Variants in NKAIN2 observed in about 807,000 individuals in gnomAD.
NKAIN2 encodes the protein sodium/potassium-transporting ATPase subunit beta-1-interacting protein 2.
In NKAIN2, 14 loss-of-function variants were observed where a neutral mutation model predicts 32.6. The ratio of observed to expected loss-of-function variants is 0.43; its 90% CI spans 0.28 to 0.67. The LOEUF (loss-of-function observed/expected upper bound fraction) is 0.67. NKAIN2 is among the 30% of genes least tolerant of loss of function. The pLI is 0.17. For missense variants in NKAIN2, 198 were observed against 258.3 expected, an observed-to-expected ratio of 0.77 and a Z score of 1.60; for synonymous variants, 80 against 87.2, an observed-to-expected ratio of 0.92 and a Z score of 0.46.
chr6:124,081,757 T>TA (rs1278748833), intron 1 of NKAIN2, among the ~76,000 whole-genome samples: 1 of 152,104 alleles, frequency 6.6e-6, no homozygotes, highest in Non-Finnish European at 1.5e-5. Context: ...ACCATAGACT[T>TA]ATTAGTGCCA....
chr6:124,552,826 T>C (rs79941461), intron 3 of NKAIN2, among the ~76,000 whole-genome samples: 1,878 of 152,302 alleles, frequency 0.012, 38 homozygotes, highest in African/African-American at 0.042. Context: ...TAAGGATAAT[T>C]GGTCTCCAAA....
intron 4 of NKAIN2, among the ~76,000 whole-genome samples, chr6:124,752,004 A>G (rs1777745949): frequency 6.6e-6 from 1 of 151,900 alleles, no homozygotes; most frequent in African/African-American, 2.4e-5. Context: ...AACCAAACAA[A>G]AACCCAGAGA....
chr6:124,541,187 T>G (rs549140452), intron 3 of NKAIN2, among the ~76,000 whole-genome samples: 1 of 152,268 alleles, frequency 6.6e-6, no homozygotes, highest in Non-Finnish European at 1.5e-5. Flanking sequence ...CTGTTATTAT[T>G]GATCATTTAA....
chr6:124,408,498 G>C (rs972471997), intron 3 of NKAIN2, among the ~76,000 whole-genome samples: 13 of 152,180 alleles, frequency 8.5e-5, no homozygotes, highest in Non-Finnish European at 1.8e-4. Context: ...TCAAAGATCA[G>C]ATAGTTGTAG....
rs11759878 is a variant in NKAIN2 at position 123,857,245 on chromosome 6, A to C, written c.54+52991A>C. Among the ~76,000 whole-genome samples the C allele has an allele frequency of 3.2e-3, 465 of 145,966 alleles. 2 individuals carry two copies. The highest frequency in any genetic ancestry group is 5.5e-3 in the Non-Finnish European group (369 of 66,566). On this transcript the variant is annotated intron_variant, in intron 1 of 6. Transcript: ENST00000368417. ...TACCAGCAGGACCTCATCATTTAAA[A>C]CAAGCCTGTGATTTAGATTTTTTTT...
chr6:124,322,262 T>C (rs1309407496), intron 2 of NKAIN2, among the ~76,000 whole-genome samples: 1 of 152,188 alleles, frequency 6.6e-6, no homozygotes, highest in Non-Finnish European at 1.5e-5. Flanking sequence ...TTAGTAAGTA[T>C]CAATGACTGG....
At chr6:123,832,285 A>G (rs4897544) in intron 1 of NKAIN2, among the ~76,000 whole-genome samples, 151,733 of 152,310 alleles carry the variant, frequency 1, 75,584 homozygotes, top group East Asian at 1. Flanking sequence ...AAGTTCCTTC[A>G]TGTCTTTTCA....
intron 3 of NKAIN2, among the ~76,000 whole-genome samples, chr6:124,557,370 T>C (rs1053502338): frequency 1.3e-5 from 2 of 152,204 alleles, no homozygotes; most frequent in African/African-American, 4.8e-5. Flanking sequence ...TTGAGTTACA[T>C]GTTGCTTTAT....
chr6:123,979,997 A>G (rs983501211), intron 1 of NKAIN2, among the ~76,000 whole-genome samples: 1 of 152,184 alleles, frequency 6.6e-6, no homozygotes, highest in South Asian at 2.1e-4. Flanking sequence ...GATGATTATG[A>G]TATTAGACAG....
chr6:124,097,421 G>A (rs924372449), intron 1 of NKAIN2, among the ~76,000 whole-genome samples: 136 of 140,454 alleles, frequency 9.7e-4, no homozygotes, highest in Middle Eastern at 3.7e-3. Flanking sequence ...AAAAAAAAAA[G>A]TAATTAACTT....
chr6:124,656,064 G>A (rs984071478), intron 3 of NKAIN2, among the ~76,000 whole-genome samples: 1 of 152,006 alleles, frequency 6.6e-6, no homozygotes, highest in African/African-American at 2.4e-5. Flanking sequence ...CTTAGGCCCT[G>A]GGGATTTATC....
intron 4 of NKAIN2, among the ~76,000 whole-genome samples, chr6:124,751,368 T>C (rs547632774): frequency 6.6e-6 from 1 of 151,996 alleles, no homozygotes; most frequent in South Asian, 2.1e-4. Context: ...AAGTAAATGC[T>C]TAAAGAAAAG....
chr6:123,992,523 G>A (rs1779454072), intron 1 of NKAIN2, among the ~76,000 whole-genome samples: 1 of 152,142 alleles, frequency 6.6e-6, no homozygotes, highest in Non-Finnish European at 1.5e-5. Flanking sequence ...GAAGGCGAAG[G>A]TAAAGTAACA....
intron 3 of NKAIN2, among the ~76,000 whole-genome samples, chr6:124,370,748 A>G (rs1045561126): frequency 1.6e-4 from 25 of 152,114 alleles, no homozygotes; most frequent in Non-Finnish European, 3.5e-4. Context: ...TGGTGCCCTC[A>G]ATTAGTCCTT....
At chr6:124,600,471 C>G (rs2114979420) in intron 3 of NKAIN2, among the ~76,000 whole-genome samples, 1 of 152,138 alleles carries the variant, frequency 6.6e-6, no homozygotes, top group African/African-American at 2.4e-5. Flanking sequence ...GCCCAGAACC[C>G]TACTAAAAAT....
intron 1 of NKAIN2, among the ~76,000 whole-genome samples, chr6:123,949,012 G>A (rs1777206674): frequency 6.6e-6 from 1 of 151,876 alleles, no homozygotes; most frequent in African/African-American, 2.4e-5. Context: ...ATTTATTGAA[G>A]AGGGTATCCT....
intron 1 of NKAIN2, among the ~76,000 whole-genome samples, chr6:123,875,516 A>G (rs1316130296): frequency 1.3e-5 from 2 of 151,938 alleles, no homozygotes; most frequent in African/African-American, 4.8e-5. Flanking sequence ...TTTGTGGGGT[A>G]TCTATATTTT....
chr6:124,223,104 T>G (rs1199156196), intron 1 of NKAIN2, among the ~76,000 whole-genome samples: 1 of 151,210 alleles, frequency 6.6e-6, no homozygotes, highest in East Asian at 2.0e-4. Context: ...TCCCAGCTAC[T>G]TGGGAGGCTG....
chr6:124,583,459 A>T (rs1781596658), intron 3 of NKAIN2, among the ~76,000 whole-genome samples: 1 of 152,170 alleles, frequency 6.6e-6, no homozygotes, highest in Non-Finnish European at 1.5e-5. Context: ...ATATTGCCAA[A>T]ATAAATTGAA....
Sources: allele counts gnomAD v4.1 joint callset (sites outside exome capture counted in the v4.1 genomes callset), GRCh38; gene constraint gnomAD v4.1.1; transcripts MANE v1.5; gene names NCBI Gene and HGNC (gene_info 2026-07-23, HGNC 2026-07-21).